Variants in DNAH17 observed in about 807,000 individuals in gnomAD.
The protein encoded by DNAH17 is axonemal beta dynein heavy chain 17.
DNAH17 carries 376 observed loss-of-function variants against 485.6 expected under a neutral mutation model. That is an observed-to-expected ratio of 0.77 (90% CI 0.71 to 0.84). The LOEUF (loss-of-function observed/expected upper bound fraction) is 0.84. Ranked by LOEUF, DNAH17 falls within the 40% of genes least tolerant of loss-of-function variation. The probability of loss-of-function intolerance (pLI) is 0.00; values close to 1 mark genes in which losing one functional copy is unlikely to be tolerated. For missense variants in DNAH17, 6,370 were observed against 5,839.3 expected (o/e 1.09, Z -2.96); for synonymous variants, 3,031 against 2,405.9 (o/e 1.26, Z -7.60).
rs1252018989 is a variant in DNAH17 at position 78,444,761 on chromosome 17, T to G, written c.11371A>C (p.Ser3791Arg). The change falls in exon 71 of 81, where the codon AGT (serine) becomes CGT (arginine). Residue 3791 changes from serine (S) to arginine (R), a missense_variant. Coordinates refer to ENST00000389840, the MANE Select transcript of DNAH17 (RefSeq NM_173628.4). ...CGCTTGGCAGATCCTTCGATGTCAC[T>G]GTCCAGATTTTTGAACTCATCCATC... ...SEMDEFKNLD[S>R]DIEGSAKRWK... The G allele has an allele frequency of 3.8e-6, 6 of 1,591,786 alleles. No individual in the cohort carries two copies. Among genetic ancestry groups the G allele is most frequent in the Non-Finnish European group, 2.6e-6 (3 of 1,170,946 alleles).
At chr17:78,545,279 T>C (rs905228928) in intron 16 of DNAH17, among the ~76,000 whole-genome samples, 5 of 152,240 alleles carry the variant, frequency 3.3e-5, no homozygotes, top group African/African-American at 1.2e-4. Flanking sequence ...CCTTTTTTTA[T>C]TAGCAGTTTT....
chr17:78,484,074 A>C (rs1206136646), intron 48 of DNAH17, among the ~76,000 whole-genome samples: 2 of 125,858 alleles, frequency 1.6e-5, no homozygotes, highest in African/African-American at 6.0e-5. Flanking sequence ...CCAGCCTGAG[A>C]GACAGAGCGA....
chr17:78,494,241 G>A, intron 40 of DNAH17, 68 bp from the exon 41 acceptor site: 1 of 1,559,588 alleles, frequency 6.4e-7, no homozygotes. Flanking sequence ...CTGGGAGGCT[G>A]GGGGGCTTCC....
chr17:78,492,440 C>CCCA (rs964818023), intron 42 of DNAH17, among the ~76,000 whole-genome samples, 193 bp downstream of exon 42: 5 of 152,308 alleles, frequency 3.3e-5, no homozygotes, highest in African/African-American at 7.2e-5. Context: ...TTCCTTATCC[C>CCCA]CCAGCCCGGG....
Position 78,570,349 on chromosome 17 carries a change from C to T in DNAH17, c.942G>A (p.Val314=). ...FTMLPTFIAK[V]LDTICFIWAT... ...CCCAGATGAAGCAGATGGTGTCCAG[C>T]ACCTTGGCAATGAAGGTGGGGAGCT... Residue 314 remains valine, a synonymous_variant, in exon 7 of 81, where the codon GTG becomes GTA. Transcript: ENST00000389840. The T allele has an allele frequency of 6.2e-7, 1 of 1,610,654 alleles. No homozygotes were observed. Among genetic ancestry groups the T allele is most frequent in the Non-Finnish European group, 8.5e-7 (1 of 1,178,812 alleles).
chr17:78,521,147 T>C (rs888166968), intron 25 of DNAH17, among the ~76,000 whole-genome samples: 4 of 152,266 alleles, frequency 2.6e-5, no homozygotes, highest in African/African-American at 9.6e-5. Flanking sequence ...GGCTCACGCC[T>C]GTAATCCCAG....
chr17:78,424,032 G>A lies in DNAH17; in HGVS notation c.13263C>T (p.Ile4421=), dbSNP rs984753075. 1 of 1,613,906 alleles carries A rather than the reference G, an allele frequency of 6.2e-7. No individual in the cohort carries two copies. The highest frequency in any genetic ancestry group is 8.5e-7 in the Non-Finnish European group (1 of 1,179,870). Residue 4421 remains isoleucine, a synonymous_variant, in exon 81 of 81, where the codon ATC becomes ATT. Coordinates refer to ENST00000389840, the MANE Select transcript of DNAH17 (RefSeq NM_173628.4). ...GTGTTTTGTACACGGGACACTCATA[G>A]ATGTTCTTGGTCTCCATGCGGTCCA... ...IPVDRMETKN[I]YECPVYKTRI...
At chr17:78,531,022 G>C (rs1366595075) in intron 20 of DNAH17, among the ~76,000 whole-genome samples, 3 of 152,336 alleles carry the variant, frequency 2.0e-5, no homozygotes, top group African/African-American at 7.2e-5. Flanking sequence ...TCTTTCTGCA[G>C]CTGTTGGGTA....
At chr17:78,466,841 C>T in intron 55 of DNAH17, 25 bp from the exon 56 acceptor site, 5 of 1,541,464 alleles carry the variant, frequency 3.2e-6, no homozygotes, top group Non-Finnish European at 3.5e-6. Flanking sequence ...CACAGATGCG[C>T]TGCCTACTGG....
intron 48 of DNAH17, 129 bp downstream of exon 48, chr17:78,484,739 A>ACCCCCCAGGCCCCCCCCCCCCCCCCCCC: frequency 5.8e-6 from 2 of 347,792 alleles, no homozygotes; most frequent in East Asian, 6.2e-5. Flanking sequence ...ACGTTGCAGC[A>ACCCCCCAGGCCCCCCCCCCCCCCCCCCC]CCCCCCCCAC....
chr17:78,559,005 G>A (rs2092093291), intron 13 of DNAH17, among the ~76,000 whole-genome samples: 1 of 152,172 alleles, frequency 6.6e-6, no homozygotes, highest in Non-Finnish European at 1.5e-5. Context: ...ACCATTATTA[G>A]TCTCTTTTGA....
chr17:78,520,666 G>A (rs1026687337), intron 25 of DNAH17, among the ~76,000 whole-genome samples: 3 of 152,108 alleles, frequency 2.0e-5, no homozygotes, highest in East Asian at 3.8e-4. Flanking sequence ...AGGTATAAAT[G>A]TAACAAAACA....
At chr17:78,483,402 G>A (rs2089437834) in intron 48 of DNAH17, among the ~76,000 whole-genome samples, 1 of 152,156 alleles carries the variant, frequency 6.6e-6, no homozygotes, top group Admixed American at 6.5e-5. Flanking sequence ...GCCCGAGGCG[G>A]GCAGATCACC....
chr17:78,481,277 G>A (rs1246083761), intron 48 of DNAH17, among the ~76,000 whole-genome samples: 1 of 150,238 alleles, frequency 6.7e-6, no homozygotes, highest in African/African-American at 2.5e-5. Flanking sequence ...TAATTTTTTT[G>A]TACTTTTAGT....
In DNAH17 at chr17:78,499,078, G is replaced by C. The variant is rs370633838; in HGVS notation, c.5675C>G (p.Thr1892Arg). Reference protein sequence around the residue: ...CGNIYKGLAQTGAWGCFDEFN... With the variant: ...CGNIYKGLAQRGAWGCFDEFN... ...CTCGTCAAAGCAGCCCCAGGCTCCC[G>C]TCTGGGCCAGGCCCTTGTAGATATT... Residue 1892 changes from threonine (T) to arginine (R), a missense_variant, in exon 37 of 81, where the codon ACG becomes AGG. By Grantham distance (71) the Thr-to-Arg change is moderately conservative. Transcript: ENST00000389840. The C allele has an allele frequency of 9.3e-6, 15 of 1,607,844 alleles. No individual in the cohort carries two copies. The highest frequency in any genetic ancestry group is 1.3e-5 in the African/African-American group (1 of 74,604).
chr17:78,529,831 GC>G, intron 21 of DNAH17, 137 bp from the exon 22 acceptor site: 1 of 803,868 alleles, frequency 1.2e-6, no homozygotes, highest in Admixed American at 2.7e-5. Context: ...GGGAGGGAGC[GC>G]CCCTGCCCAC....
At chr17:78,428,855 G>C in intron 76 of DNAH17, 148 bp from the exon 77 acceptor site, 1 of 983,224 alleles carries the variant, frequency 1.0e-6, no homozygotes, top group Non-Finnish European at 1.5e-6. Context: ...TTTGTGGGCT[G>C]CCCCCTGTGC....
intron 48 of DNAH17, among the ~76,000 whole-genome samples, chr17:78,484,392 C>T (rs2089492173): frequency 6.6e-6 from 1 of 152,122 alleles, no homozygotes; most frequent in Admixed American, 6.5e-5. Flanking sequence ...GCCAGCAGGA[C>T]ACTGCTGCCA....
rs1025423863 is a variant in DNAH17 at position 78,530,370 on chromosome 17, C to T, written c.3257G>A (p.Arg1086Gln). Residue 1086 changes from arginine (R) to glutamine (Q), a missense_variant, in exon 21 of 81, where the codon CGG becomes CAG. Physicochemically the swap from Arg to Gln is conservative, Grantham distance 43 (BLOSUM62 1). Coordinates refer to ENST00000389840, the MANE Select transcript of DNAH17 (RefSeq NM_173628.4). ...TIRRWGFMFKRHLSNHVTNSL... is the reference protein window; with the variant it reads ...TIRRWGFMFKQHLSNHVTNSL... ...GTTGGTGACGTGGTTGCTCAGGTGCCGCTTGAACATGAAGCCCCAGCGCCG... is the reference window on the plus strand; with the variant it reads ...GTTGGTGACGTGGTTGCTCAGGTGCTGCTTGAACATGAAGCCCCAGCGCCG... 6.2e-6 allele frequency: 10 copies of T among 1,611,776 alleles called. No homozygotes were observed. The highest frequency in any genetic ancestry group is 2.2e-5 in the South Asian group (2 of 90,994).
Sources: gnomAD v4.1 joint callset for allele counts (sites outside exome capture counted in the v4.1 genomes callset) on GRCh38, gnomAD v4.1.1 for gene constraint, MANE v1.5 for transcripts, NCBI Gene and HGNC (gene_info 2026-07-23, HGNC 2026-07-21) for gene names.